AFF3: variants seen among roughly 807,000 people sequenced by gnomAD.
AFF3 encodes ALF transcription elongation factor 3.
In AFF3, 32 loss-of-function variants were observed where a neutral mutation model predicts 129.7. The ratio of observed to expected loss-of-function variants is 0.25; its 90% CI spans 0.19 to 0.33. The LOEUF (loss-of-function observed/expected upper bound fraction) is 0.33. AFF3 is among the 10% of genes least tolerant of loss of function. AFF3 has a pLI of 1.00. For synonymous variants in AFF3, 644 were observed against 635.4 expected, an observed-to-expected ratio of 1.01 and a Z score of -0.20; for missense variants, 1,373 against 1,592.0, an observed-to-expected ratio of 0.86 and a Z score of 2.34.
intron 7 of AFF3, among the ~76,000 whole-genome samples, chr2:99,854,051 C>T (rs1690341957): frequency 6.6e-6 from 1 of 152,088 alleles, no homozygotes; most frequent in Non-Finnish European, 1.5e-5. Context: ...GTGTCTGGTG[C>T]ATGTATTTTA....
At chr2:99,633,909 CTTT>C (rs139661861) in intron 13 of AFF3, among the ~76,000 whole-genome samples, 10 of 116,418 alleles carry the variant, frequency 8.6e-5, no homozygotes, top group African/African-American at 2.5e-4. Flanking sequence ...TTCTTCCTTC[CTTT>C]TTTTTTTTTT....
At chr2:99,651,042 A>G (rs13029690) in intron 12 of AFF3, among the ~76,000 whole-genome samples, 129,732 of 151,592 alleles carry the variant, frequency 0.86, 55,636 homozygotes, top group East Asian at 0.93. Context: ...GCATGGTGGC[A>G]CATGTCTGTA....
At chr2:100,018,024 G>A (rs1411458527) in intron 4 of AFF3, among the ~76,000 whole-genome samples, 1 of 122,158 alleles carries the variant, frequency 8.2e-6, no homozygotes, top group Non-Finnish European at 1.8e-5. Flanking sequence ...GTGTGTGTGT[G>A]TGTGTGTGTA....
chr2:99,861,309 T>C (rs899686667), intron 7 of AFF3, among the ~76,000 whole-genome samples: 22 of 152,202 alleles, frequency 1.4e-4, no homozygotes, highest in African/African-American at 5.1e-4. Context: ...CAAACTTACA[T>C]GTAGGCTCTT....
intron 8 of AFF3, among the ~76,000 whole-genome samples, chr2:99,791,420 G>T (rs967298158): frequency 6.6e-6 from 1 of 152,170 alleles, no homozygotes; most frequent in African/African-American, 2.4e-5. Flanking sequence ...TTGCTTTATT[G>T]CACTGTTCGG....
intron 12 of AFF3, among the ~76,000 whole-genome samples, chr2:99,657,894 T>C (rs987095627): frequency 2.0e-5 from 3 of 152,208 alleles, no homozygotes; most frequent in African/African-American, 4.8e-5. Flanking sequence ...GGGCCTTACG[T>C]GAGGCCAGAT....
chr2:99,565,756 G>T, intron 19 of AFF3, 133 bp from the exon 20 acceptor site: 2 of 1,003,580 alleles, frequency 2.0e-6, no homozygotes, highest in East Asian at 2.5e-5. Context: ...AGAGAAGAAA[G>T]AAATAGAATA....
chr2:100,131,684 T>A (rs1692435314), intron 1 of AFF3, among the ~76,000 whole-genome samples: 1 of 152,172 alleles, frequency 6.6e-6, no homozygotes, highest in Non-Finnish European at 1.5e-5. Context: ...GGTCTTGAAC[T>A]CCTGACCTCA....
intron 10 of AFF3, among the ~76,000 whole-genome samples, chr2:99,729,073 C>T (rs1283097840): frequency 6.6e-6 from 1 of 152,094 alleles, no homozygotes; most frequent in Non-Finnish European, 1.5e-5. Flanking sequence ...TCCTTTCCCC[C>T]AACCTGCTTT....
chr2:100,081,139 A>G (rs1309355328), intron 4 of AFF3, among the ~76,000 whole-genome samples: 1 of 152,086 alleles, frequency 6.6e-6, no homozygotes, highest in Non-Finnish European at 1.5e-5. Flanking sequence ...AAGGGTTAGG[A>G]ATTACTCACT....
chr2:99,576,517 A>G (rs1677014711), intron 18 of AFF3, among the ~76,000 whole-genome samples: 1 of 146,162 alleles, frequency 6.8e-6, no homozygotes, highest in Admixed American at 6.8e-5. Flanking sequence ...CCCTGTCTCA[A>G]AAAAAAAAAA....
At chr2:99,972,277 G>C (rs1195874848) in intron 7 of AFF3, among the ~76,000 whole-genome samples, 1 of 152,188 alleles carries the variant, frequency 6.6e-6, no homozygotes, top group Non-Finnish European at 1.5e-5. Flanking sequence ...GAGGTCACAG[G>C]AAGACCCAAA....
chr2:99,674,798 G>C (rs998403788), intron 11 of AFF3, among the ~76,000 whole-genome samples: 28 of 152,212 alleles, frequency 1.8e-4, no homozygotes, highest in South Asian at 2.1e-4. Context: ...GAGGGAGCTT[G>C]GGTTGGCTGC....
At chr2:99,669,977 G>A (rs997075455) in intron 12 of AFF3, among the ~76,000 whole-genome samples, 2 of 152,160 alleles carry the variant, frequency 1.3e-5, no homozygotes, top group African/African-American at 2.4e-5. Flanking sequence ...ATTGGATCTG[G>A]TGACACGAAG....
chr2:99,652,081 T>A (rs975016459), intron 12 of AFF3, among the ~76,000 whole-genome samples: 1 of 152,122 alleles, frequency 6.6e-6, no homozygotes, highest in African/African-American at 2.4e-5. Context: ...CCTGGAACCA[T>A]GAGCCGGTGT....
At chr2:100,116,727 G>C (rs1691749546) in intron 2 of AFF3, among the ~76,000 whole-genome samples, 2 of 151,970 alleles carry the variant, frequency 1.3e-5, no homozygotes, top group African/African-American at 4.8e-5. Context: ...ATTTTATATA[G>C]TTAATTTTCA....
chr2:99,706,130 C>T (rs1023715240), intron 11 of AFF3, among the ~76,000 whole-genome samples: 4 of 152,048 alleles, frequency 2.6e-5, no homozygotes, highest in African/African-American at 7.2e-5. Context: ...TCTCGAGTTA[C>T]GATGTTCAAC....
intron 10 of AFF3, among the ~76,000 whole-genome samples, chr2:99,741,415 T>C (rs959375933): frequency 2.0e-5 from 3 of 152,126 alleles, no homozygotes; most frequent in African/African-American, 7.2e-5. Flanking sequence ...AGCATTCTTA[T>C]ACACCAACAA....
chr2:99,833,579 T>C (rs763628897), intron 8 of AFF3, among the ~76,000 whole-genome samples: 8 of 152,150 alleles, frequency 5.3e-5, no homozygotes, highest in Admixed American at 2.6e-4. Flanking sequence ...ATGTTATGAG[T>C]GTCTTCAACA....
Sources: allele counts gnomAD v4.1 joint callset (sites outside exome capture counted in the v4.1 genomes callset), GRCh38; gene constraint gnomAD v4.1.1; transcripts MANE v1.5; gene names NCBI Gene and HGNC (gene_info 2026-07-23, HGNC 2026-07-21).